The following KCNQ3 variants were observed in gnomAD, a reference collection of about 807,000 sequenced individuals.
KCNQ3 encodes potassium voltage-gated channel subfamily KQT member 3.
Under a neutral mutation model 92.5 loss-of-function variants are expected in KCNQ3, and 30 were observed. The ratio of observed to expected loss-of-function variants is 0.32; its 90% CI spans 0.24 to 0.44. KCNQ3 has a LOEUF of 0.44. KCNQ3 is among the 20% of genes least tolerant of loss of function. KCNQ3 has a pLI of 1.00. For missense variants in KCNQ3, 913 were observed against 1,140.3 expected (o/e 0.80, Z 2.87); for synonymous variants, 450 against 468.8 (o/e 0.96, Z 0.52).
At chr8:132,221,895 C>T (rs1563811337) in intron 1 of KCNQ3, among the ~76,000 whole-genome samples, 1 of 152,152 alleles carries the variant, frequency 6.6e-6, no homozygotes, top group South Asian at 2.1e-4. Flanking sequence ...CCCTTCCTTA[C>T]ACCGTATACA....
At chr8:132,255,127 G>A (rs1815542528) in intron 1 of KCNQ3, among the ~76,000 whole-genome samples, 2 of 150,776 alleles carry the variant, frequency 1.3e-5, no homozygotes, top group African/African-American at 4.9e-5. Context: ...CCCACCTCAT[G>A]ATAGCCTTAA....
chr8:132,362,577 T>G (rs72721033), intron 1 of KCNQ3, among the ~76,000 whole-genome samples: 1,765 of 151,940 alleles, frequency 0.012, 16 homozygotes, highest in Non-Finnish European at 0.02. Context: ...CTAGCAGGGG[T>G]TTTTGTGCTT....
At chr8:132,283,174 A>T (rs1456377414) in intron 1 of KCNQ3, among the ~76,000 whole-genome samples, 1 of 151,766 alleles carries the variant, frequency 6.6e-6, no homozygotes, top group Admixed American at 6.6e-5. Flanking sequence ...CATTGCTCCT[A>T]AATATCTCAT....
At chr8:132,285,330 G>A (rs1816649946) in intron 1 of KCNQ3, among the ~76,000 whole-genome samples, 1 of 152,194 alleles carries the variant, frequency 6.6e-6, no homozygotes, top group African/African-American at 2.4e-5. Context: ...AAAGCTCATA[G>A]AAATATGGAC....
At chr8:132,187,830 GATTGTGGTGGTGGTGGTGGTA>G (rs1827032814) in intron 1 of KCNQ3, among the ~76,000 whole-genome samples, 1 of 125,958 alleles carries the variant, frequency 7.9e-6, no homozygotes, top group African/African-American at 3.7e-5. Flanking sequence ...TGGTGGTGGT[GATTGTGGTGGTGGTGGTGGTA>G]GTGATGGTGG....
rs184444710 is a variant in KCNQ3 at position 132,232,898 on chromosome 8, G to A, written c.387-46717C>T. On this transcript the variant is annotated intron_variant, in intron 1 of 14. Transcript: ENST00000388996. ...CTCCATATCTTTCTTCTTCTTTCTC[G>A]TATACAGATGGATTAATGCACACAG... 1.8e-3 allele frequency among the ~76,000 whole-genome samples: 276 copies of A among 152,134 alleles called. 2 individuals carry two copies. The highest frequency in any genetic ancestry group is 1.0e-3 in the Non-Finnish European group (69 of 68,004).
chr8:132,155,378 C>T (rs950488646), intron 9 of KCNQ3, among the ~76,000 whole-genome samples: 1 of 151,914 alleles, frequency 6.6e-6, no homozygotes, highest in African/African-American at 2.4e-5. Context: ...GATCTGACTC[C>T]TAAACTAGCT....
intron 1 of KCNQ3, among the ~76,000 whole-genome samples, chr8:132,318,654 C>A (rs1817810003): frequency 6.6e-6 from 1 of 152,172 alleles, no homozygotes; most frequent in Non-Finnish European, 1.5e-5. Context: ...GGGGCACACT[C>A]ATGGATGTAG....
At chr8:132,189,820 T>C (rs1456087321) in intron 1 of KCNQ3, among the ~76,000 whole-genome samples, 3 of 117,722 alleles carry the variant, frequency 2.5e-5, no homozygotes, top group Admixed American at 1.0e-4. Context: ...GAGCAAAAAC[T>C]CCATCTCAAA....
intron 1 of KCNQ3, among the ~76,000 whole-genome samples, chr8:132,319,604 G>A (rs1817842735): frequency 6.6e-6 from 1 of 152,190 alleles, no homozygotes; most frequent in Non-Finnish European, 1.5e-5. Context: ...CTCGTCCGAT[G>A]GCCCCGGGAA....
intron 8 of KCNQ3, 56 bp from the exon 9 acceptor site, chr8:132,163,550 C>G: frequency 7.1e-7 from 1 of 1,399,996 alleles, no homozygotes; most frequent in Non-Finnish European, 1.0e-6. Context: ...ACAGCTGTAT[C>G]CTTCCTCGAA....
chr8:132,175,254 G>T (rs1032438837), intron 5 of KCNQ3, among the ~76,000 whole-genome samples, 199 bp downstream of exon 5: 1 of 152,202 alleles, frequency 6.6e-6, no homozygotes, highest in South Asian at 2.1e-4. Context: ...TCTTATAAAC[G>T]CTAGAGAAAA....
At chr8:132,348,250 C>A (rs1276880912) in intron 1 of KCNQ3, among the ~76,000 whole-genome samples, 1 of 152,072 alleles carries the variant, frequency 6.6e-6, no homozygotes, top group Non-Finnish European at 1.5e-5. Context: ...AGGATATGAA[C>A]TGCCCTAATT....
At chr8:132,394,879 A>G (rs1000706474) in intron 1 of KCNQ3, among the ~76,000 whole-genome samples, 4 of 152,178 alleles carry the variant, frequency 2.6e-5, no homozygotes, top group Non-Finnish European at 5.9e-5. Context: ...GAGAAGATGA[A>G]CTGTGCTTCT....
intron 1 of KCNQ3, among the ~76,000 whole-genome samples, chr8:132,467,200 C>T (rs535905698): frequency 5.9e-5 from 9 of 152,106 alleles, no homozygotes; most frequent in Non-Finnish European, 1.2e-4. Flanking sequence ...CCTGGGTTTC[C>T]TGGTGGCTGG....
chr8:132,191,767 C>T (rs908054146), intron 1 of KCNQ3, among the ~76,000 whole-genome samples: 6 of 151,714 alleles, frequency 4.0e-5, no homozygotes, highest in African/African-American at 1.2e-4. Flanking sequence ...GAGGAGGGTG[C>T]GCTGGAGAGA....
chr8:132,135,383 C>T (rs907449165), intron 12 of KCNQ3, among the ~76,000 whole-genome samples: 1 of 152,086 alleles, frequency 6.6e-6, no homozygotes, highest in Non-Finnish European at 1.5e-5. Context: ...GGCTTGAAGG[C>T]TTATCACAGG....
intron 1 of KCNQ3, among the ~76,000 whole-genome samples, chr8:132,209,754 G>T (rs1321215915): frequency 6.6e-6 from 1 of 152,160 alleles, no homozygotes; most frequent in Non-Finnish European, 1.5e-5. Context: ...GCTGATGGAA[G>T]TGTTCTGAGC....
chr8:132,205,464 A>G (rs1417465306), intron 1 of KCNQ3, among the ~76,000 whole-genome samples: 1 of 152,218 alleles, frequency 6.6e-6, no homozygotes, highest in Non-Finnish European at 1.5e-5. Flanking sequence ...TTAATTTAAC[A>G]AACACTTACA....
Sources: gnomAD v4.1 joint callset for allele counts (sites outside exome capture counted in the v4.1 genomes callset) on GRCh38, gnomAD v4.1.1 for gene constraint, MANE v1.5 for transcripts, NCBI Gene and HGNC (gene_info 2026-07-23, HGNC 2026-07-21) for gene names.